Variants in GLRA1 observed in about 807,000 individuals in gnomAD.
GLRA1 encodes glycine receptor subunit alpha-1.
Under a neutral mutation model 48.3 loss-of-function variants are expected in GLRA1, and 37 were observed. The ratio of observed to expected loss-of-function variants is 0.77; its 90% CI spans 0.59 to 1.01. GLRA1 has a LOEUF of 1.01. Among genes scored for constraint, GLRA1 ranks in the 50% least tolerant of loss-of-function variants. The probability of loss-of-function intolerance (pLI) is 0.00; values close to 1 mark genes in which losing one functional copy is unlikely to be tolerated. For missense variants in GLRA1, 427 were observed against 571.0 expected (o/e 0.75, Z 2.57); for synonymous variants, 196 against 210.7 (o/e 0.93, Z 0.60).
In GLRA1 at chr5:151,894,449, G is replaced by C. The variant is rs1365653580; in HGVS notation, c.57-2011C>G. Among the ~76,000 whole-genome samples the C allele has an allele frequency of 2.6e-5, 4 of 152,098 alleles. No individual in the cohort carries two copies. In the South Asian group the frequency reaches 8.3e-4, roughly 32 times the overall value. On this transcript the variant is annotated intron_variant, in intron 1 of 8. Coordinates refer to ENST00000274576, the MANE Select transcript of GLRA1 (RefSeq NM_000171.4). Reference sequence around the variant, plus strand: ...ACTGAACACTACAGCTTCCTTCCTAGACTTGCTCCTCCAGATCAGTTTCCC... The same window carrying C: ...ACTGAACACTACAGCTTCCTTCCTACACTTGCTCCTCCAGATCAGTTTCCC...
chr5:151,830,727 T>A (rs1380611478), intron 7 of GLRA1, among the ~76,000 whole-genome samples: 1 of 145,128 alleles, frequency 6.9e-6, no homozygotes, highest in Non-Finnish European at 1.5e-5. Context: ...ACAAAACAAA[T>A]AATACGAACT....
chr5:151,822,742 G>C lies in GLRA1; in HGVS notation c.1281C>G (p.Phe427Leu). The change falls in exon 9 of 9, where the codon TTC (phenylalanine) becomes TTG (leucine). Residue 427 changes from phenylalanine to leucine, a missense_variant. Transcript: ENST00000274576. The part of the protein sequence containing the change: ...KISRIGFPMA[F>L]LIFNMFYWII... The stretch of plus-strand genomic sequence containing the variant: ...TCCAGTAGAACATGTTGAAAATGAG[G>C]AAGGCCATGGGGAAGCCAATGCGGG... 1.2e-6 allele frequency: 2 copies of C among 1,613,902 alleles called. No homozygotes were observed. Among genetic ancestry groups the C allele is most frequent in the Non-Finnish European group, 1.7e-6 (2 of 1,179,850 alleles).
intron 7 of GLRA1, among the ~76,000 whole-genome samples, chr5:151,849,367 C>CTTCCT (rs1554083381): frequency 2.5e-4 from 9 of 35,562 alleles, no homozygotes; most frequent in African/African-American, 4.0e-4. Context: ...TCCTTCCTTT[C>CTTCCT]TTCCTTTCGT....
intron 8 of GLRA1, among the ~76,000 whole-genome samples, chr5:151,824,385 C>A (rs910512310): frequency 2.6e-5 from 4 of 151,994 alleles, no homozygotes; most frequent in Non-Finnish European, 5.9e-5. Context: ...TGCTTAGAAC[C>A]TTTTAATAGG....
intron 6 of GLRA1, among the ~76,000 whole-genome samples, chr5:151,853,252 T>G (rs1030422820): frequency 6.6e-6 from 1 of 152,104 alleles, no homozygotes; most frequent in African/African-American, 2.4e-5. Flanking sequence ...TTACTTATTT[T>G]TTTTTCTTTT....
intron 1 of GLRA1, among the ~76,000 whole-genome samples, chr5:151,923,589 A>T (rs1220996099): frequency 6.6e-6 from 1 of 152,224 alleles, no homozygotes; most frequent in East Asian, 1.9e-4. Flanking sequence ...TTACTAAAGG[A>T]CTATCTATTT....
At position 151,873,431 on chromosome 5, in the gene GLRA1, G is replaced by A. The variant is rs200950951; in HGVS notation, c.252+13290C>T. On this transcript the variant is annotated intron_variant, in intron 3 of 8. Coordinates refer to ENST00000274576, the MANE Select transcript of GLRA1 (RefSeq NM_000171.4). ...ATCCCAGCACTTTGGGAGGCTGACG[G>A]TGTGGATAGCTTGAGGTCAGGAATT... 7.3e-5 allele frequency among the ~76,000 whole-genome samples: 11 copies of A among 149,762 alleles called. No homozygotes were observed. In the East Asian group the frequency reaches 1.9e-3, roughly 26 times the overall value.
At position 151,822,833 on chromosome 5, in the gene GLRA1, G is replaced by A. The variant is rs1264322765; in HGVS notation, c.1190C>T (p.Pro397Leu). The A allele has an allele frequency of 6.2e-7, 1 of 1,614,160 alleles. No homozygotes were observed. The highest frequency in any genetic ancestry group is 2.2e-5 in the East Asian group (1 of 44,874). ...NSNTTNPPPA[P>L]SKSPEEMRKL... ...TCGCATCTCCTCTGGGGACTTAGAT[G>A]GTGCAGGAGGGGGGTTGGTGGTGTT... Residue 397 changes from proline to leucine, a missense_variant, in exon 9 of 9, where the codon CCA becomes CTA. Physicochemically the swap from Pro to Leu is moderately conservative, Grantham distance 98. Around this residue, in one of 4 missense-constraint regions of GLRA1, gnomAD observed 121 missense variants for 96.5 expected, o/e 1.25. Transcript: ENST00000274576.
chr5:151,869,068 T>C (rs1561564172), intron 3 of GLRA1, among the ~76,000 whole-genome samples: 1 of 152,160 alleles, frequency 6.6e-6, no homozygotes, highest in Non-Finnish European at 1.5e-5. Flanking sequence ...ATAGCAGTTC[T>C]GTTTATTGGG....
intron 1 of GLRA1, among the ~76,000 whole-genome samples, chr5:151,898,715 A>T (rs1394742523): frequency 6.6e-6 from 1 of 152,152 alleles, no homozygotes; most frequent in Non-Finnish European, 1.5e-5. Context: ...GGAGGTGCAG[A>T]TTGAAGACAG....
At chr5:151,869,142 C>G (rs1371427333) in intron 3 of GLRA1, among the ~76,000 whole-genome samples, 1 of 150,932 alleles carries the variant, frequency 6.6e-6, no homozygotes, top group African/African-American at 2.4e-5. Flanking sequence ...CTTGTTCTGT[C>G]ACTCAGGCTG....
chr5:151,851,329 A>C (rs991774172), intron 7 of GLRA1, 61 bp downstream of exon 7: 127 of 1,088,136 alleles, frequency 1.2e-4, no homozygotes, highest in Middle Eastern at 5.6e-4. Flanking sequence ...AGGCAGAGCA[A>C]GGAAGTAGGT....
intron 1 of GLRA1, among the ~76,000 whole-genome samples, chr5:151,920,866 C>T (rs909044324): frequency 6.6e-6 from 1 of 152,102 alleles, no homozygotes; most frequent in Non-Finnish European, 1.5e-5. Flanking sequence ...CAGTCATCTG[C>T]CCTTCTTGAC....
intron 7 of GLRA1, chr5:151,849,148 CTT>C (rs1554083299): frequency 7.0e-6 from 1 of 142,826 alleles, no homozygotes; most frequent in African/African-American, 6.1e-5. Flanking sequence ...TTCTTTCTTT[CTT>C]TCTTTTCTTT....
intron 3 of GLRA1, among the ~76,000 whole-genome samples, chr5:151,862,766 T>C (rs1291566667): frequency 3.9e-5 from 6 of 152,244 alleles, no homozygotes; most frequent in African/African-American, 1.2e-4. Context: ...GGAATTCTTA[T>C]ATTTGTGCAT....
chr5:151,919,564 AT>A (rs1754822868), intron 1 of GLRA1, among the ~76,000 whole-genome samples: 1 of 152,220 alleles, frequency 6.6e-6, no homozygotes, highest in African/African-American at 2.4e-5. Flanking sequence ...CGATGTGGCT[AT>A]TTCTTATAAT....
rs543296082 is a variant in GLRA1 at position 151,849,264 on chromosome 5, C to T, written c.912+2126G>A. ...TTCCTTCCTTCCCTTCTTTCTTTCT[C>T]TCTCTCTCTCTTCCTTTCTTTCTCT... On this transcript the variant is annotated intron_variant, in intron 7 of 8. Coordinates refer to ENST00000274576, the MANE Select transcript of GLRA1 (RefSeq NM_000171.4). Among the ~76,000 whole-genome samples the T allele has an allele frequency of 4.7e-3, 457 of 97,652 alleles. 19 individuals carry two copies. The highest frequency in any genetic ancestry group is 0.019 in the African/African-American group (428 of 22,224). The allele number at this position is 97,652 out of a possible 152,430, so 64.1% of individuals were successfully genotyped here.
At position 151,828,992 on chromosome 5, in the gene GLRA1, C is replaced by G. The variant is rs761583674; in HGVS notation, c.988G>C (p.Ala330Pro). ...LFVFSALLEY[A>P]AVNFVSRQHK... ...TGCCGAGACACAAAGTTAACGGCAGCATATTCTAATAGGGCTGAGAACACA... is the reference window on the plus strand; with the variant it reads ...TGCCGAGACACAAAGTTAACGGCAGGATATTCTAATAGGGCTGAGAACACA... The change falls in exon 8 of 9, where the codon GCT becomes CCT. Residue 330 changes from alanine to proline, a missense_variant. Physicochemically the swap from Ala to Pro is conservative, Grantham distance 27. Coordinates refer to ENST00000274576, the MANE Select transcript of GLRA1 (RefSeq NM_000171.4). The G allele has an allele frequency of 6.2e-7, 1 of 1,614,130 alleles. No individual in the cohort carries two copies. The highest frequency in any genetic ancestry group is 1.1e-5 in the South Asian group (1 of 91,090).
intron 1 of GLRA1, among the ~76,000 whole-genome samples, chr5:151,897,119 T>G (rs1754244009): frequency 6.6e-6 from 1 of 152,206 alleles, no homozygotes; most frequent in Non-Finnish European, 1.5e-5. Flanking sequence ...TTCCCAACTC[T>G]TTTCCAAATA....
Sources: gnomAD v4.1 joint callset for allele counts (sites outside exome capture counted in the v4.1 genomes callset) on GRCh38, gnomAD v4.1.1 for gene constraint, gnomAD v4.1.1 regional missense constraint, MANE v1.5 for transcripts, NCBI Gene and HGNC (gene_info 2026-07-23, HGNC 2026-07-21) for gene names.